The following KDM4C variants were observed in gnomAD, a reference collection of about 807,000 sequenced individuals.
KDM4C encodes the protein lysine demethylase 4C.
KDM4C carries 81 observed loss-of-function variants against 129.3 expected under a neutral mutation model. The observed-to-expected ratio is 0.63, with a 90% confidence interval of 0.52 to 0.75. The LOEUF (loss-of-function observed/expected upper bound fraction) is 0.75, where lower values mean the gene tolerates loss of function less well. KDM4C is among the 30% of genes least tolerant of loss of function. KDM4C has a pLI of 0.00. For missense variants in KDM4C, 1,457 were observed against 1,304.0 expected (o/e 1.12, Z -1.81); for synonymous variants, 573 against 456.1 (o/e 1.26, Z -3.26).
intron 4 of KDM4C, among the ~76,000 whole-genome samples, chr9:6,831,439 A>C (rs7856734): frequency 0.41 from 62,518 of 151,722 alleles, 14,158 homozygotes; most frequent in East Asian, 0.6. Flanking sequence ...GTCTCCCTGG[A>C]TCAAGTAATT....
chr9:6,814,240 A>G (rs1330623689), intron 3 of KDM4C, among the ~76,000 whole-genome samples: 1 of 152,120 alleles, frequency 6.6e-6, no homozygotes, highest in East Asian at 1.9e-4. Flanking sequence ...TTGGATTTTT[A>G]GTGAGATTAT....
intron 17 of KDM4C, among the ~76,000 whole-genome samples, chr9:7,081,859 A>C (rs762410886): frequency 6.6e-6 from 1 of 152,208 alleles, no homozygotes; most frequent in Non-Finnish European, 1.5e-5. Flanking sequence ...ATTACCTCCG[A>C]AATTCAAGGG....
At chr9:6,730,845 G>A (rs954961081) in intron 1 of KDM4C, among the ~76,000 whole-genome samples, 2 of 152,128 alleles carry the variant, frequency 1.3e-5, no homozygotes, top group Non-Finnish European at 2.9e-5. Flanking sequence ...TGAACACTCC[G>A]CAGTGTATGA....
At chr9:7,084,419 G>T (rs56403767) in intron 17 of KDM4C, among the ~76,000 whole-genome samples, 4,454 of 152,320 alleles carry the variant, frequency 0.029, 73 homozygotes, top group South Asian at 0.072. Flanking sequence ...ATGAATGATA[G>T]ATAGTCTATT....
chr9:7,169,072 A>G, intron 20 of KDM4C, among the ~76,000 whole-genome samples: 1 of 151,540 alleles, frequency 6.6e-6, no homozygotes, highest in East Asian at 1.9e-4. Context: ...AAAAAAAGGA[A>G]ATATATTATC....
At chr9:6,773,669 G>A (rs977616718) in intron 1 of KDM4C, among the ~76,000 whole-genome samples, 7 of 151,808 alleles carry the variant, frequency 4.6e-5, no homozygotes, top group Non-Finnish European at 8.8e-5. Context: ...TGCTCAGGTC[G>A]CTGAGGCAGG....
intron 17 of KDM4C, among the ~76,000 whole-genome samples, chr9:7,068,437 G>A (rs377293475): frequency 3.3e-5 from 5 of 152,222 alleles, no homozygotes; most frequent in South Asian, 2.1e-4. Context: ...TCAGGTGTAT[G>A]ATTTGCTGCA....
At chr9:6,760,079 C>T (rs930841922) in intron 1 of KDM4C, among the ~76,000 whole-genome samples, 1 of 152,026 alleles carries the variant, frequency 6.6e-6, no homozygotes, top group African/African-American at 2.4e-5. Context: ...AAGCTCTGTT[C>T]CTATTAGCTG....
chr9:6,760,115 A>G (rs888099476), intron 1 of KDM4C, among the ~76,000 whole-genome samples: 2 of 151,940 alleles, frequency 1.3e-5, no homozygotes, highest in Admixed American at 6.6e-5. Context: ...CTCCAATTCT[A>G]TCCCCTTCTG....
chr9:7,030,353 C>G (rs1216603671), intron 15 of KDM4C, among the ~76,000 whole-genome samples: 2 of 152,100 alleles, frequency 1.3e-5, no homozygotes, highest in Non-Finnish European at 2.9e-5. Context: ...CATCATTCAT[C>G]TATGAAAATG....
At chr9:7,172,818 C>T (rs1195802388) in intron 21 of KDM4C, among the ~76,000 whole-genome samples, 2 of 152,230 alleles carry the variant, frequency 1.3e-5, no homozygotes, top group Admixed American at 6.5e-5. Flanking sequence ...ACCTCTGCCT[C>T]TGCCAGCAGC....
At chr9:6,869,147 C>T (rs1842485444) in intron 5 of KDM4C, among the ~76,000 whole-genome samples, 1 of 152,176 alleles carries the variant, frequency 6.6e-6, no homozygotes, top group East Asian at 1.9e-4. Flanking sequence ...CTTAGTTATT[C>T]CCTTCTTGTA....
chr9:6,808,174 C>G (rs1292367841), intron 3 of KDM4C, among the ~76,000 whole-genome samples: 1 of 62,216 alleles, frequency 1.6e-5, no homozygotes, highest in Non-Finnish European at 2.9e-5. Context: ...TGCCCGGCCA[C>G]CACCCCGTCT....
At chr9:6,834,904 T>A in intron 4 of KDM4C, 1 of 1,229,926 alleles carries the variant, frequency 8.1e-7, no homozygotes, top group Admixed American at 1.7e-5. Context: ...GTACCACTGG[T>A]ACCGTGATGG....
intron 4 of KDM4C, among the ~76,000 whole-genome samples, chr9:6,817,007 A>G (rs944483718): frequency 6.6e-6 from 1 of 152,094 alleles, no homozygotes; most frequent in Non-Finnish European, 1.5e-5. Context: ...ATTTTTGAAG[A>G]TATATGATAT....
intron 8 of KDM4C, among the ~76,000 whole-genome samples, chr9:6,932,308 TGCG>T: frequency 6.6e-6 from 1 of 152,316 alleles, no homozygotes; most frequent in East Asian, 1.9e-4. Context: ...CTCCTGTTTC[TGCG>T]GCACAGGGAT....
intron 1 of KDM4C, among the ~76,000 whole-genome samples, chr9:6,781,012 T>A (rs1246986812): frequency 6.6e-6 from 1 of 152,096 alleles, no homozygotes; most frequent in South Asian, 2.1e-4. Context: ...TCTCATTTTC[T>A]GTTTATGCAT....
chr9:6,945,122 G>C (rs1418150076), intron 8 of KDM4C, among the ~76,000 whole-genome samples: 2 of 152,036 alleles, frequency 1.3e-5, no homozygotes, highest in African/African-American at 4.8e-5. Context: ...CTTACTCACT[G>C]CACGAACCCG....
At chr9:7,140,776 C>G (rs758433450) in intron 19 of KDM4C, among the ~76,000 whole-genome samples, 6 of 152,174 alleles carry the variant, frequency 3.9e-5, no homozygotes, top group Non-Finnish European at 8.8e-5. Context: ...ATGGAGTTTA[C>G]AATCTAGTGG....
Sources: gnomAD v4.1 joint callset for allele counts (sites outside exome capture counted in the v4.1 genomes callset) on GRCh38, gnomAD v4.1.1 for gene constraint, MANE v1.5 for transcripts, NCBI Gene and HGNC (gene_info 2026-07-23, HGNC 2026-07-21) for gene names.